The following KCTD16 variants were observed in gnomAD, a reference collection of about 807,000 sequenced individuals.
The protein encoded by KCTD16 is BTB/POZ domain-containing protein KCTD16.
A neutral mutation model predicts 33.2 loss-of-function variants in KCTD16; 13 were observed. The observed-to-expected ratio is 0.39, with a 90% CI of 0.25 to 0.62. The LOEUF (loss-of-function observed/expected upper bound fraction) is 0.62, where lower values mean the gene tolerates loss of function less well. KCTD16 is among the 20% of genes least tolerant of loss of function. The pLI is 0.50. For synonymous variants in KCTD16, 197 were observed against 195.3 expected, an observed-to-expected ratio of 1.01 and a Z score of -0.07; for missense variants, 441 against 525.1, an observed-to-expected ratio of 0.84 and a Z score of 1.57.
At chr5:144,353,694 A>G (rs972068702) in intron 3 of KCTD16, among the ~76,000 whole-genome samples, 2 of 152,160 alleles carry the variant, frequency 1.3e-5, no homozygotes, top group African/African-American at 4.8e-5. Flanking sequence ...TGTTAGTGCT[A>G]TTTTAACAAT....
At chr5:144,378,256 G>A (rs1438683364) in intron 3 of KCTD16, among the ~76,000 whole-genome samples, 1 of 152,118 alleles carries the variant, frequency 6.6e-6, no homozygotes, top group South Asian at 2.1e-4. Context: ...AAAAGTAATA[G>A]AAGAACTTAC....
chr5:144,330,411 CAAAAAAAA>C (rs10577099), intron 3 of KCTD16, among the ~76,000 whole-genome samples: 3 of 87,410 alleles, frequency 3.4e-5, no homozygotes, highest in Non-Finnish European at 6.5e-5. Context: ...GAAACTCCAT[CAAAAAAAA>C]AAAAAAAAAA....
rs1185776205 is a variant in KCTD16 at position 144,476,864 on chromosome 5, C to T, written c.*2750C>T. Reference sequence around the variant, plus strand: ...CCTGAAGTTAAAATAGTTTTTAGAACTTTTTGTTTAATTCTGAAGAAAACA... The same window carrying T: ...CCTGAAGTTAAAATAGTTTTTAGAATTTTTTGTTTAATTCTGAAGAAAACA... On this transcript the variant is annotated 3_prime_UTR_variant, in exon 4 of 4. Transcript: ENST00000512467. 1 of 152,052 alleles carries T rather than the reference C, an allele frequency of 6.6e-6. No homozygotes were observed. Among genetic ancestry groups the T allele is most frequent in the African/African-American group, 2.4e-5 (1 of 41,412 alleles). The allele number at this position is 152,052 out of a possible 1,614,324, so 9.4% of individuals were successfully genotyped here. A position where few individuals can be genotyped will look rare whatever the true frequency, so the allele number is the denominator to read the frequency against.
At chr5:144,457,868 G>A (rs186065917) in intron 3 of KCTD16, among the ~76,000 whole-genome samples, 1 of 152,246 alleles carries the variant, frequency 6.6e-6, no homozygotes, top group East Asian at 1.9e-4. Flanking sequence ...ACCGGATTAG[G>A]CCTGGGATGC....
At chr5:144,271,055 A>G (rs1262596814) in intron 3 of KCTD16, among the ~76,000 whole-genome samples, 1 of 151,998 alleles carries the variant, frequency 6.6e-6, no homozygotes, top group Admixed American at 6.5e-5. Flanking sequence ...AAAGCCCTGG[A>G]CCTGATGGCT....
intron 3 of KCTD16, among the ~76,000 whole-genome samples, chr5:144,253,990 G>T (rs1416847070): frequency 6.6e-6 from 1 of 152,110 alleles, no homozygotes; most frequent in Non-Finnish European, 1.5e-5. Flanking sequence ...GTTGACTCCC[G>T]CATGGGACTT....
In KCTD16 at chr5:144,206,444, G is replaced by A; in HGVS notation, c.-271G>A. ...TGCCTTGCATGTGAGCTTGATGGAA[G>A]ATTGGATATAGACGAGTTGATTATA... On this transcript the variant is annotated 5_prime_UTR_variant, in exon 3 of 4. Coordinates refer to ENST00000512467, the MANE Select transcript of KCTD16 (RefSeq NM_020768.4). 2.8e-6 allele frequency: 1 copy of A among 354,168 alleles called. No homozygotes were observed. Among genetic ancestry groups the A allele is most frequent in the Non-Finnish European group, 5.1e-6 (1 of 196,692 alleles). The allele number at this position is 354,168 out of a possible 1,614,324, so 21.9% of individuals were successfully genotyped here. A position where few individuals can be genotyped will look rare whatever the true frequency, so the allele number is the denominator to read the frequency against.
chr5:144,463,739 C>T lies in KCTD16; in HGVS notation c.833-9921C>T, dbSNP rs545082305. 3.3e-5 allele frequency among the ~76,000 whole-genome samples: 5 copies of T among 152,262 alleles called. No individual in the cohort carries two copies. In the East Asian group the frequency reaches 9.7e-4, roughly 29 times the overall value. On this transcript the variant is annotated intron_variant, in intron 3 of 3. Coordinates refer to ENST00000512467, the MANE Select transcript of KCTD16 (RefSeq NM_020768.4). ...CCTATTAGCTTTTCTGAAAACTGTG[C>T]ATGACAAGAGAGTCTGATTCATAGG... is the stretch of plus-strand genomic sequence containing the variant.
chr5:144,339,255 A>G (rs764002389), intron 3 of KCTD16, among the ~76,000 whole-genome samples: 3 of 152,232 alleles, frequency 2.0e-5, no homozygotes, highest in Non-Finnish European at 2.9e-5. Context: ...TGAAGCTTAG[A>G]GACATTCGAT....
chr5:144,224,278 T>C (rs562802760), intron 3 of KCTD16, among the ~76,000 whole-genome samples: 1 of 152,146 alleles, frequency 6.6e-6, no homozygotes, highest in African/African-American at 2.4e-5. Flanking sequence ...AGATGGTTTC[T>C]ACAACTGACT....
intron 3 of KCTD16, among the ~76,000 whole-genome samples, chr5:144,444,768 TA>T (rs1386594624): frequency 9.9e-5 from 15 of 151,692 alleles, no homozygotes; most frequent in African/African-American, 3.4e-4. Context: ...CTAATAATTT[TA>T]CTAGAAATAT....
intron 3 of KCTD16, among the ~76,000 whole-genome samples, chr5:144,275,853 A>C (rs1755423841): frequency 6.6e-6 from 1 of 152,168 alleles, no homozygotes; most frequent in South Asian, 2.1e-4. Flanking sequence ...GTGTATTTCT[A>C]ATCCCTAAAA....
intron 3 of KCTD16, among the ~76,000 whole-genome samples, chr5:144,257,722 C>A (rs572487183): frequency 1.3e-5 from 2 of 152,182 alleles, no homozygotes; most frequent in East Asian, 3.9e-4. Context: ...CTCCTGACCT[C>A]GTGATCCGCC....
chr5:144,484,088 T>G lies in KCTD16; in HGVS notation c.*9974T>G, dbSNP rs1055863119. Reference sequence around the variant, plus strand: ...TATTTTTAATTCCAAAGGAGAAAGTTGAATCAGGAAAATTTGTCTTAAAAT... The same window carrying G: ...TATTTTTAATTCCAAAGGAGAAAGTGGAATCAGGAAAATTTGTCTTAAAAT... On this transcript the variant is annotated 3_prime_UTR_variant, in exon 4 of 4. Transcript: ENST00000512467. The G allele has an allele frequency of 6.6e-6, 1 of 151,944 alleles. No homozygotes were observed. The highest frequency in any genetic ancestry group is 2.4e-5 in the African/African-American group (1 of 41,418). 9.4% of individuals were successfully genotyped at this position (151,944 alleles called of 1,614,324 possible).
intron 3 of KCTD16, among the ~76,000 whole-genome samples, chr5:144,458,697 A>C (rs941857508): frequency 6.6e-6 from 1 of 152,202 alleles, no homozygotes; most frequent in Non-Finnish European, 1.5e-5. Flanking sequence ...GAATGATATA[A>C]ACCTGAACAT....
At chr5:144,335,805 G>A (rs1320463883) in intron 3 of KCTD16, among the ~76,000 whole-genome samples, 2 of 152,178 alleles carry the variant, frequency 1.3e-5, no homozygotes, top group Non-Finnish European at 2.9e-5. Flanking sequence ...AGAGTTGGAG[G>A]GTGAAGGCAG....
intron 2 of KCTD16, among the ~76,000 whole-genome samples, chr5:144,198,288 T>C (rs1485762442): frequency 6.6e-6 from 1 of 152,172 alleles, no homozygotes. Flanking sequence ...TGAGCATCTC[T>C]CAGATGCCAG....
intron 3 of KCTD16, among the ~76,000 whole-genome samples, chr5:144,332,677 T>C (rs1398058521): frequency 6.6e-6 from 1 of 152,170 alleles, no homozygotes; most frequent in African/African-American, 2.4e-5. Flanking sequence ...AGAGAACCAA[T>C]ATGCCCATAA....
At chr5:144,335,118 A>G (rs74353556) in intron 3 of KCTD16, among the ~76,000 whole-genome samples, 5 of 152,168 alleles carry the variant, frequency 3.3e-5, no homozygotes, top group East Asian at 3.9e-4. Flanking sequence ...TGCACTGTAC[A>G]TGGTGTCAAT....
Sources: gnomAD v4.1 joint callset for allele counts (sites outside exome capture counted in the v4.1 genomes callset) on GRCh38, gnomAD v4.1.1 for gene constraint, MANE v1.5 for transcripts, NCBI Gene and HGNC (gene_info 2026-07-23, HGNC 2026-07-21) for gene names.